The following SULF2 variants were observed in gnomAD, a reference collection of about 807,000 sequenced individuals.
SULF2 encodes the protein extracellular sulfatase Sulf-2.
SULF2 carries 52 observed loss-of-function variants against 107.7 expected under a neutral mutation model. The ratio of observed to expected loss-of-function variants is 0.48; its 90% CI spans 0.39 to 0.61. The LOEUF (loss-of-function observed/expected upper bound fraction) is 0.61, where lower values mean the gene tolerates loss of function less well. SULF2 is among the 20% of genes least tolerant of loss of function. The pLI, the probability that SULF2 is intolerant of heterozygous loss-of-function variation, is 0.00. For missense variants in SULF2, 993 were observed against 1,177.3 expected (o/e 0.84, Z 2.29); for synonymous variants, 460 against 464.3 (o/e 0.99, Z 0.12).
chr20:47,752,348 T>C (rs562863246), intron 2 of SULF2, among the ~76,000 whole-genome samples: 17 of 152,292 alleles, frequency 1.1e-4, no homozygotes, highest in African/African-American at 4.1e-4. Context: ...CAAGGACACA[T>C]GGTCAATGGT....
chr20:47,720,728 G>A (rs1020236329), intron 3 of SULF2, among the ~76,000 whole-genome samples: 1 of 152,064 alleles, frequency 6.6e-6, no homozygotes, highest in Non-Finnish European at 1.5e-5. Flanking sequence ...TAGAAACTGA[G>A]CTGGTTCAGG....
chr20:47,776,053 AT>A (rs1158669263), intron 1 of SULF2, among the ~76,000 whole-genome samples: 1 of 152,192 alleles, frequency 6.6e-6, no homozygotes, highest in African/African-American at 2.4e-5. Context: ...TCCAGCTCTC[AT>A]CTGGCCACTT....
intron 4 of SULF2, among the ~76,000 whole-genome samples, chr20:47,700,693 T>C (rs1425690534): frequency 2.0e-5 from 3 of 146,878 alleles, no homozygotes; most frequent in South Asian, 4.4e-4. Flanking sequence ...TCTCCCAGGC[T>C]GGAGAGCAGT....
chr20:47,670,682 G>T (rs1568790819), intron 11 of SULF2, among the ~76,000 whole-genome samples: 1 of 290 alleles, frequency 3.4e-3, no homozygotes, highest in Non-Finnish European at 6.2e-3. Flanking sequence ...CAGCAGGGTG[G>T]GAGAGCGGGG....
intron 3 of SULF2, among the ~76,000 whole-genome samples, chr20:47,709,510 G>A (rs1251273038): frequency 6.6e-6 from 1 of 152,184 alleles, no homozygotes; most frequent in East Asian, 1.9e-4. Context: ...GACCTTGACT[G>A]TTGACTCCAG....
intron 1 of SULF2, among the ~76,000 whole-genome samples, chr20:47,781,729 GATC>G (rs2090836865): frequency 6.6e-6 from 1 of 152,052 alleles, no homozygotes. Flanking sequence ...CAGGTGCTAT[GATC>G]ATCATCATTT....
chr20:47,701,297 G>C (rs1285837410), intron 4 of SULF2, among the ~76,000 whole-genome samples: 1 of 152,200 alleles, frequency 6.6e-6, no homozygotes, highest in African/African-American at 2.4e-5. Context: ...AGGGGTCTCA[G>C]GGAGTCTTCT....
Position 47,659,388 on chromosome 20 carries a change from C to T in SULF2, c.2582+11G>A, listed in dbSNP as rs2086994005. On this transcript the variant is annotated intron_variant, in intron 20 of 20. Coordinates refer to ENST00000688720, the MANE Select transcript of SULF2 (RefSeq NM_001387048.1). ...CCAGATTTCTATTTGTAAGCTGGTTCCTCAACTCACAGTGATTTGGAAGAA... is the reference window on the plus strand; with the variant it reads ...CCAGATTTCTATTTGTAAGCTGGTTTCTCAACTCACAGTGATTTGGAAGAA... 6.2e-7 allele frequency: 1 copy of T among 1,613,556 alleles called. No individual in the cohort carries two copies. Among genetic ancestry groups the T allele is most frequent in the Non-Finnish European group, 8.5e-7 (1 of 1,179,520 alleles).
At chr20:47,755,912 C>A (rs1448677039) in intron 2 of SULF2, among the ~76,000 whole-genome samples, 1 of 136,880 alleles carries the variant, frequency 7.3e-6, no homozygotes, top group Non-Finnish European at 1.7e-5. Context: ...GGCTCCCTGG[C>A]ACTTTTTTTT....
chr20:47,665,682 A>C (rs1162080372), intron 13 of SULF2, among the ~76,000 whole-genome samples, 175 bp downstream of exon 13: 1 of 152,202 alleles, frequency 6.6e-6, no homozygotes, highest in African/African-American at 2.4e-5. Context: ...GCAGGAAGCT[A>C]TCTGTCTCAT....
At chr20:47,782,027 C>T (rs1340282929) in intron 1 of SULF2, among the ~76,000 whole-genome samples, 1 of 152,206 alleles carries the variant, frequency 6.6e-6, no homozygotes, top group Non-Finnish European at 1.5e-5. Flanking sequence ...CACTTCTTTT[C>T]TCCTTAAGCT....
At chr20:47,775,768 G>A (rs1341753486) in intron 1 of SULF2, among the ~76,000 whole-genome samples, 1 of 152,192 alleles carries the variant, frequency 6.6e-6, no homozygotes, top group Non-Finnish European at 1.5e-5. Flanking sequence ...TTTCCTTACT[G>A]ATAAAGTGAA....
intron 3 of SULF2, among the ~76,000 whole-genome samples, chr20:47,707,444 T>C (rs757635310): frequency 1.2e-4 from 18 of 152,174 alleles, no homozygotes; most frequent in Non-Finnish European, 2.1e-4. Context: ...GGAGCGGAAC[T>C]CTCACTCACT....
intron 3 of SULF2, among the ~76,000 whole-genome samples, chr20:47,720,870 C>A (rs543316563): frequency 3.0e-4 from 45 of 152,310 alleles, no homozygotes; most frequent in African/African-American, 1.0e-3. Flanking sequence ...AGCAGGGGAG[C>A]TGGAGGTTCC....
chr20:47,770,255 C>A (rs980923428), intron 1 of SULF2, among the ~76,000 whole-genome samples: 2 of 151,834 alleles, frequency 1.3e-5, no homozygotes, highest in Non-Finnish European at 2.9e-5. Context: ...GAGATGAGGT[C>A]TTGCTATGTT....
At chr20:47,727,720 G>A (rs748531587) in intron 3 of SULF2, among the ~76,000 whole-genome samples, 2 of 152,150 alleles carry the variant, frequency 1.3e-5, no homozygotes, top group Non-Finnish European at 2.9e-5. Flanking sequence ...CTTATCACAG[G>A]CACTGGGTGA....
At chr20:47,719,890 T>C (rs1034596357) in intron 3 of SULF2, among the ~76,000 whole-genome samples, 4 of 152,246 alleles carry the variant, frequency 2.6e-5, no homozygotes, top group Non-Finnish European at 4.4e-5. Flanking sequence ...CACAGTTTAC[T>C]AATCTCCACC....
intron 3 of SULF2, among the ~76,000 whole-genome samples, chr20:47,735,824 G>A (rs1177629835): frequency 1.3e-5 from 2 of 152,122 alleles, no homozygotes; most frequent in Non-Finnish European, 2.9e-5. Flanking sequence ...CAGCCTCGAG[G>A]GCTGCAGGTC....
chr20:47,699,269 T>G (rs1045974279), intron 4 of SULF2, among the ~76,000 whole-genome samples: 1 of 152,136 alleles, frequency 6.6e-6, no homozygotes, highest in African/African-American at 2.4e-5. Flanking sequence ...GCACTTGGCA[T>G]GGTACCTGGT....
Sources: allele counts gnomAD v4.1 joint callset (sites outside exome capture counted in the v4.1 genomes callset), GRCh38; gene constraint gnomAD v4.1.1; transcripts MANE v1.5; gene names NCBI Gene and HGNC (gene_info 2026-07-23, HGNC 2026-07-21).